The following PLXNA2 variants were observed in gnomAD, a reference collection of about 807,000 sequenced individuals.
PLXNA2 encodes plexin-A2.
Under a neutral mutation model 193.5 loss-of-function variants are expected in PLXNA2, and 91 were observed. That is an observed-to-expected ratio of 0.47 (90% CI 0.40 to 0.56). The LOEUF (loss-of-function observed/expected upper bound fraction) is 0.56. Among genes scored for constraint, PLXNA2 ranks in the 20% least tolerant of loss-of-function variants. The pLI is 0.00. For missense variants in PLXNA2, 1,995 were observed against 2,503.2 expected (o/e 0.80, Z 4.33); for synonymous variants, 997 against 1,027.3 (o/e 0.97, Z 0.56).
At chr1:208,178,429 T>C (rs1669732602) in intron 3 of PLXNA2, among the ~76,000 whole-genome samples, 2 of 152,308 alleles carry the variant, frequency 1.3e-5, no homozygotes, top group Middle Eastern at 3.4e-3. Context: ...CAGCCCAGTG[T>C]TCCTGAAAAA....
chr1:208,039,809 T>C, intron 23 of PLXNA2, 42 bp from the exon 24 acceptor site: 3 of 1,612,932 alleles, frequency 1.9e-6, no homozygotes, highest in Non-Finnish European at 2.5e-6. Context: ...CACGGCCTCC[T>C]CAGGTTTGTA....
At chr1:208,113,247 G>A (rs2102435592) in intron 4 of PLXNA2, among the ~76,000 whole-genome samples, 1 of 152,316 alleles carries the variant, frequency 6.6e-6, no homozygotes, top group South Asian at 2.1e-4. Flanking sequence ...GAGGGGGAAA[G>A]GTGATGATGG....
At chr1:208,133,891 G>A (rs1025983610) in intron 4 of PLXNA2, among the ~76,000 whole-genome samples, 5 of 152,138 alleles carry the variant, frequency 3.3e-5, no homozygotes, top group African/African-American at 1.2e-4. Context: ...AAAGAATGAA[G>A]GAGGGTAAGT....
At chr1:208,072,168 C>T (rs530127006) in intron 12 of PLXNA2, among the ~76,000 whole-genome samples, 2 of 152,100 alleles carry the variant, frequency 1.3e-5, no homozygotes, top group East Asian at 1.9e-4. Context: ...ACCTAAGATG[C>T]GTAAGATAAT....
In PLXNA2 at chr1:208,217,634, G is replaced by C. The variant is rs143885355; in HGVS notation, c.289C>G (p.Pro97Ala). 5.6e-5 allele frequency: 91 copies of C among 1,614,080 alleles called. 1 individual carries two copies. Among genetic ancestry groups the C allele is most frequent in the Non-Finnish European group, 1.0e-5 (12 of 1,180,036 alleles). The change falls in exon 2 of 32, where the codon CCC becomes GCC. Residue 97 changes from proline to alanine, a missense_variant. Transcript: ENST00000367033. The surrounding 1 kb of genome is among the most constrained non-coding windows in gnomAD (Gnocchi z 4.7). ...PEEDNKSCYP[P>A]LIVQPCSEVL... ...TCGCTGCAGGGCTGCACGATGAGGG[G>C]CGGGTAACAAGACTTGTTGTCCTCT... is the stretch of plus-strand genomic sequence containing the variant.
chr1:208,210,686 C>A (rs1670914021), intron 2 of PLXNA2, among the ~76,000 whole-genome samples: 1 of 152,158 alleles, frequency 6.6e-6, no homozygotes, highest in Non-Finnish European at 1.5e-5. Flanking sequence ...AGGCAGCAAC[C>A]TTCCACTCAG....
At position 208,027,306 on chromosome 1, in the gene PLXNA2, T is replaced by G. The variant is rs1393959523; in HGVS notation, c.5622A>C (p.Ala1874=). The G allele has an allele frequency of 1.4e-5, 22 of 1,613,516 alleles. No homozygotes were observed. Among genetic ancestry groups the G allele is most frequent in the Non-Finnish European group, 1.7e-5 (20 of 1,179,994 alleles). ...CCTTATAAGCCAGCCGCTGCCGCCG[T>G]GCCTGCTCATCCTGCTCTAGGGCCC... ...LIGALEQDEQ[A]RRQRLAYKVE... Residue 1874 remains alanine (A), a synonymous_variant, in exon 32 of 32, where the codon GCA becomes GCC. Coordinates refer to ENST00000367033, the MANE Select transcript of PLXNA2 (RefSeq NM_025179.4).
chr1:208,084,675 C>T, intron 9 of PLXNA2, 95 bp from the exon 10 acceptor site: 1 of 1,189,844 alleles, frequency 8.4e-7, no homozygotes, highest in South Asian at 1.4e-5. Flanking sequence ...GGTGAGCTGC[C>T]CAAGAGCAGG....
intron 4 of PLXNA2, 46 bp from the exon 5 acceptor site, chr1:208,103,293 A>G (rs1161653415): frequency 6.9e-7 from 1 of 1,439,680 alleles, no homozygotes; most frequent in Admixed American, 1.7e-5. Flanking sequence ...GGCTGTGACG[A>G]CTAGCAGGTG....
Position 208,032,050 on chromosome 1 carries a change from C to T in PLXNA2, c.5056-291G>A, listed in dbSNP as rs1405389258. 19 of 985,166 alleles carry T rather than the reference C, an allele frequency of 1.9e-5. No individual in the cohort carries two copies. The East Asian group carries it at 9.1e-4, about 47-fold the overall frequency. 61.0% of individuals were successfully genotyped at this position (985,166 alleles called of 1,614,324 possible). On this transcript the variant is annotated intron_variant, in intron 28 of 31. Coordinates refer to ENST00000367033, the MANE Select transcript of PLXNA2 (RefSeq NM_025179.4). ...TTTGACAGGAAGACAGGAAGTGCCCCGGGTCCGGGCTTCCCATGGGTGAAT... is the reference window on the plus strand; with the variant it reads ...TTTGACAGGAAGACAGGAAGTGCCCTGGGTCCGGGCTTCCCATGGGTGAAT...
At chr1:208,197,463 A>G (rs1670397816) in intron 3 of PLXNA2, among the ~76,000 whole-genome samples, 1 of 152,208 alleles carries the variant, frequency 6.6e-6, no homozygotes, top group South Asian at 2.1e-4. Flanking sequence ...ATTTACCTGG[A>G]AAAGAATCTC....
chr1:208,084,983 G>T (rs12059440), intron 9 of PLXNA2, among the ~76,000 whole-genome samples: 36,285 of 151,836 alleles, frequency 0.24, 4,634 homozygotes, highest in Admixed American at 0.33. Context: ...CCGATGCCTG[G>T]GGCATCCGTT....
intron 28 of PLXNA2, 106 bp from the exon 29 acceptor site, chr1:208,031,865 G>C: frequency 7.8e-7 from 1 of 1,287,696 alleles, no homozygotes; most frequent in Non-Finnish European, 1.1e-6. Context: ...AATTTGTCTG[G>C]GACACGAGGC....
intron 1 of PLXNA2, chr1:208,230,207 G>A (rs141950474): frequency 6.6e-6 from 1 of 152,270 alleles, no homozygotes; most frequent in Non-Finnish European, 1.5e-5. Context: ...GACAAACTCC[G>A]AGGGTTCTGT....
In PLXNA2 at chr1:208,210,427, G is replaced by A. The variant is rs1670900609; in HGVS notation, c.1224C>T (p.Asp408=). ...TTGAGCCTCCCAGGGGCTGGTTGAT[G>A]TCCAGTCCACAGAAGTTATCATCGA... ...VPIDDNFCGL[D]INQPLGGSTP... The change falls in exon 3 of 32, where the codon GAC becomes GAT. Residue 408 remains aspartate, a synonymous_variant. Transcript: ENST00000367033. 6.2e-7 allele frequency: 1 copy of A among 1,613,854 alleles called. No homozygotes were observed. Among genetic ancestry groups the A allele is most frequent in the Non-Finnish European group, 8.5e-7 (1 of 1,179,888 alleles).
At chr1:208,214,636 G>C (rs974633535) in intron 2 of PLXNA2, among the ~76,000 whole-genome samples, 1 of 152,106 alleles carries the variant, frequency 6.6e-6, no homozygotes, top group Non-Finnish European at 1.5e-5. Flanking sequence ...TTTTTTTCTA[G>C]GTTGCAGATC....
chr1:208,045,199 G>A lies in PLXNA2; in HGVS notation c.3507C>T (p.Leu1169=), dbSNP rs892986104. 6.2e-7 allele frequency: 1 copy of A among 1,613,970 alleles called. No individual in the cohort carries two copies. Among genetic ancestry groups the A allele is most frequent in the African/African-American group, 1.3e-5 (1 of 74,924 alleles). ...TGGCCCCTCCAGAGGCAGGAGGGCA[G>A]AGGTTTTTGCCCTGTAGAGAATAGC... The part of the protein sequence containing the change: ...GSPIILKGKN[L]CPPASGGAKL... The change falls in exon 19 of 32, where the codon CTC becomes CTT. Residue 1169 remains leucine (L), a synonymous_variant. Transcript: ENST00000367033.
intron 14 of PLXNA2, among the ~76,000 whole-genome samples, chr1:208,053,129 A>C (rs1388140051): frequency 6.6e-6 from 1 of 152,276 alleles, no homozygotes; most frequent in African/African-American, 2.4e-5. Context: ...GACCTGAATC[A>C]GAAAAGAATT....
intron 2 of PLXNA2, among the ~76,000 whole-genome samples, chr1:208,212,207 A>G (rs1670981941): frequency 6.6e-6 from 1 of 152,188 alleles, no homozygotes; most frequent in South Asian, 2.1e-4. Context: ...GCAGGCTGAC[A>G]CACCATCACT....
Sources: allele counts gnomAD v4.1 joint callset (sites outside exome capture counted in the v4.1 genomes callset), GRCh38; gene constraint gnomAD v4.1.1; non-coding constraint Gnocchi (gnomAD v3.1); transcripts MANE v1.5; gene names NCBI Gene and HGNC (gene_info 2026-07-23, HGNC 2026-07-21).